The following DICER1 variants were observed in gnomAD, a reference collection of about 807,000 sequenced individuals.
The protein encoded by DICER1 is endoribonuclease Dicer.
Under a neutral mutation model 194.1 loss-of-function variants are expected in DICER1, and 43 were observed. That is an observed-to-expected ratio of 0.22 (90% CI 0.17 to 0.29). The LOEUF is 0.29. DICER1 is among the 10% of genes least tolerant of loss of function. The probability of loss-of-function intolerance (pLI) is 1.00; values close to 1 mark genes in which losing one functional copy is unlikely to be tolerated. For synonymous variants in DICER1, 832 were observed against 820.5 expected, an observed-to-expected ratio of 1.01 and a Z score of -0.24; for missense variants, 1,608 against 2,317.0, an observed-to-expected ratio of 0.69 and a Z score of 6.28.
intron 14 of DICER1, among the ~76,000 whole-genome samples, chr14:95,110,955 C>T (rs1469898959): frequency 6.6e-6 from 1 of 152,150 alleles, no homozygotes; most frequent in Non-Finnish European, 1.5e-5. Context: ...CACACAAATC[C>T]TCTTCTGTCT....
intron 8 of DICER1, among the ~76,000 whole-genome samples, chr14:95,121,167 G>A (rs1892909508): frequency 6.6e-6 from 1 of 152,094 alleles, no homozygotes; most frequent in Non-Finnish European, 1.5e-5. Context: ...TACCTGACCT[G>A]TACTCCTGAA....
chr14:95,129,685 C>T, intron 5 of DICER1, 53 bp from the exon 6 acceptor site: 1 of 1,506,482 alleles, frequency 6.6e-7, no homozygotes, highest in Non-Finnish European at 9.1e-7. Context: ...AAGGCTATAA[C>T]AAGAGAGACA....
chr14:95,133,601 G>A, intron 1 of DICER1, 98 bp from the exon 2 acceptor site: 2 of 935,522 alleles, frequency 2.1e-6, no homozygotes, highest in African/African-American at 1.6e-5. Flanking sequence ...ATTCCTATGA[G>A]CCATTCAAAC....
Position 95,108,043 on chromosome 14 carries a change from A to C in DICER1, c.2487T>G (p.Ile829Met). Residue 829 changes from isoleucine to methionine, a missense_variant, in exon 16 of 27, where the codon ATT becomes ATG. Physicochemically the swap from Ile to Met is conservative, Grantham distance 10. This residue lies in a region of DICER1 where 150 missense variants were observed against 216.0 expected (regional missense o/e 0.69). Coordinates refer to ENST00000343455, the MANE Select transcript of DICER1 (RefSeq NM_177438.3). ...YTRSGEVTIS[I>M]ELKKSGFMLS... ...ACATGAAACCAGACTTCTTCAACTC[A>C]ATGGATATGGTAACCTCTCCAGAGC... 6.2e-7 allele frequency: 1 copy of C among 1,614,048 alleles called. No homozygotes were observed. Among genetic ancestry groups the C allele is most frequent in the Non-Finnish European group, 8.5e-7 (1 of 1,179,912 alleles).
chr14:95,110,430 A>G (rs1462032201), intron 14 of DICER1, among the ~76,000 whole-genome samples: 1 of 152,184 alleles, frequency 6.6e-6, no homozygotes, highest in Non-Finnish European at 1.5e-5. Flanking sequence ...CCTGATGTGC[A>G]CAGTTTTGGG....
At chr14:95,139,986 T>C (rs1894724950) in intron 1 of DICER1, among the ~76,000 whole-genome samples, 1 of 152,214 alleles carries the variant, frequency 6.6e-6, no homozygotes, top group Non-Finnish European at 1.5e-5. Flanking sequence ...CCTATAATTT[T>C]GCCAATTTTT....
chr14:95,096,171 G>C lies in DICER1; in HGVS notation c.4749C>G (p.Leu1583=), dbSNP rs767814647. The change falls in exon 23 of 27, where the codon CTC becomes CTG. Residue 1583 remains leucine, a synonymous_variant. Coordinates refer to ENST00000343455, the MANE Select transcript of DICER1 (RefSeq NM_177438.3). ...SCGERAAQLF[L]CSLGLKVLPV... The stretch of plus-strand genomic sequence containing the variant: ...GGAGCACCTTCAGCCCCAGTGAACA[G>C]AGGAAAAGCTGAGCAGCCCTCTCCC... 7 of 1,614,118 alleles carry C rather than the reference G, an allele frequency of 4.3e-6. No individual in the cohort carries two copies. Among genetic ancestry groups the C allele is most frequent in the Non-Finnish European group, 5.1e-6 (6 of 1,180,048 alleles).
chr14:95,108,256 A>G (rs1891632564), intron 15 of DICER1, 68 bp downstream of exon 15: 1 of 1,272,500 alleles, frequency 7.9e-7, no homozygotes, highest in East Asian at 2.3e-5. Flanking sequence ...ACTTACTACT[A>G]GTTTTTTTTT....
At chr14:95,130,461 T>TC (rs1364690352) in intron 4 of DICER1, among the ~76,000 whole-genome samples, 1 of 152,218 alleles carries the variant, frequency 6.6e-6, no homozygotes. Flanking sequence ...GGTTCTTAGA[T>TC]CCCCACAGCC....
Position 95,115,562 on chromosome 14 carries a change from G to A in DICER1, c.1907+105C>T, listed in dbSNP as rs2275182. 246,077 of 1,266,438 alleles carry A rather than the reference G, an allele frequency of 0.19. 25,582 individuals are homozygous for A. The highest frequency in any genetic ancestry group is 0.31 in the African/African-American group (21,327 of 68,106). 78.5% of individuals were successfully genotyped at this position (1,266,438 alleles called of 1,614,324 possible). On this transcript the variant is annotated intron_variant, in intron 11 of 26. Transcript: ENST00000343455. ...TTTATCGAAAATATGGCAAGTCTAA[G>A]TAAAGACTGGTAACCGCAAAATGTC...
chr14:95,115,288 A>G (rs1892335862), intron 11 of DICER1, among the ~76,000 whole-genome samples: 1 of 152,220 alleles, frequency 6.6e-6, no homozygotes, highest in South Asian at 2.1e-4. Context: ...GTACCCAAAA[A>G]CATAAATTAG....
chr14:95,137,999 AC>A lies in DICER1; in HGVS notation c.-45-4497del, dbSNP rs75156168. ...GGCAGGGCAGGGAAGCTGGCCCAAGACCAACAAAGACTCAATTCTATCTGGA... is the reference window on the plus strand; with the variant it reads ...GGCAGGGCAGGGAAGCTGGCCCAAGACAACAAAGACTCAATTCTATCTGGA... On this transcript the variant is annotated intron_variant, in intron 1 of 26. Coordinates refer to ENST00000343455, the MANE Select transcript of DICER1 (RefSeq NM_177438.3). 7 of 154,786 alleles carry A rather than the reference AC, an allele frequency of 4.5e-5. No homozygotes were observed. In the East Asian group the frequency reaches 1.4e-3, roughly 30 times the overall value. 9.6% of individuals were successfully genotyped at this position (154,786 alleles called of 1,614,324 possible).
At chr14:95,142,995 G>A (rs1189483046) in intron 1 of DICER1, among the ~76,000 whole-genome samples, 1 of 152,124 alleles carries the variant, frequency 6.6e-6, no homozygotes, top group Non-Finnish European at 1.5e-5. Flanking sequence ...CACAGATTCT[G>A]ACATTATTAA....
At position 95,107,917 on chromosome 14, in the gene DICER1, G is replaced by T. The variant is rs759827733; in HGVS notation, c.2613C>A (p.Asp871Glu). The T allele has an allele frequency of 1.9e-6, 3 of 1,613,882 alleles. No homozygotes were observed. The highest frequency in any genetic ancestry group is 2.5e-6 in the Non-Finnish European group (3 of 1,179,930). ...GTAGAACACAGTATGCTGAATCAGC[G>T]TCTGTAGGTTTAAATTCTAGTGCAG... ...EKPALEFKPT[D>E]ADSAYCVLPL... Residue 871 changes from aspartate (D) to glutamate (E), a missense_variant, in exon 16 of 27, where the codon GAC becomes GAA. Physicochemically the swap from Asp to Glu is conservative, Grantham distance 45. This residue lies in a region of DICER1 where 150 missense variants were observed against 216.0 expected (regional missense o/e 0.69). Transcript: ENST00000343455.
Position 95,096,165 on chromosome 14 carries a change from T to A in DICER1, c.4755A>T (p.Ser1585=), listed in dbSNP as rs555975437. 3 of 1,614,168 alleles carry A rather than the reference T, an allele frequency of 1.9e-6. No homozygotes were observed. The highest frequency in any genetic ancestry group is 3.3e-5 in the Admixed American group (2 of 60,020). Residue 1585 remains serine (S), a synonymous_variant, in exon 23 of 27, where the codon TCA becomes TCT. Transcript: ENST00000343455. ...TTACCGGGAGCACCTTCAGCCCCAG[T>A]GAACAGAGGAAAAGCTGAGCAGCCC... ...GERAAQLFLC[S]LGLKVLPVIK...
chr14:95,107,809 T>A (rs1438172225), intron 16 of DICER1, 48 bp from the exon 17 acceptor site: 1 of 1,611,166 alleles, frequency 6.2e-7, no homozygotes, highest in East Asian at 2.2e-5. Context: ...ATGATACAGA[T>A]AAGTTTCATA....
At chr14:95,093,353 A>G (rs902426059) in intron 24 of DICER1, among the ~76,000 whole-genome samples, 1 of 152,238 alleles carries the variant, frequency 6.6e-6, no homozygotes, top group Admixed American at 6.5e-5. Flanking sequence ...TAGCTCTGTC[A>G]CCAGACAGCC....
At chr14:95,118,304 C>T (rs1006819245) in intron 8 of DICER1, among the ~76,000 whole-genome samples, 4 of 152,176 alleles carry the variant, frequency 2.6e-5, no homozygotes, top group East Asian at 3.8e-4. Flanking sequence ...GTTCCAGCTG[C>T]GATTTCTTTT....
At chr14:95,138,264 C>T (rs1894559590) in intron 1 of DICER1, among the ~76,000 whole-genome samples, 1 of 149,200 alleles carries the variant, frequency 6.7e-6, no homozygotes, top group Admixed American at 6.7e-5. Flanking sequence ...CTAAAACTTT[C>T]ACAGGGTTTA....
Sources: allele counts gnomAD v4.1 joint callset (sites outside exome capture counted in the v4.1 genomes callset), GRCh38; gene constraint gnomAD v4.1.1; regional missense constraint gnomAD v4.1.1; transcripts MANE v1.5; gene names NCBI Gene and HGNC (gene_info 2026-07-23, HGNC 2026-07-21).